The following RAB28 variants were observed in gnomAD, a reference collection of about 807,000 sequenced individuals.
RAB28 encodes the protein ras-related protein Rab-28.
In RAB28, 24 loss-of-function variants were observed where a neutral mutation model predicts 31.7. The ratio of observed to expected loss-of-function variants is 0.76; its 90% CI spans 0.55 to 1.06. The LOEUF (loss-of-function observed/expected upper bound fraction) is 1.06, where lower values mean the gene tolerates loss of function less well. RAB28 is among the 50% of genes least tolerant of loss of function. The pLI, the probability that RAB28 is intolerant of heterozygous loss-of-function variation, is 0.00. For missense variants in RAB28, 254 were observed against 258.5 expected, an observed-to-expected ratio of 0.98 and a Z score of 0.12; for synonymous variants, 100 against 90.4, an observed-to-expected ratio of 1.11 and a Z score of -0.60.
chr4:13,483,014 T>G (rs1410269556), intron 1 of RAB28, among the ~76,000 whole-genome samples: 1 of 152,028 alleles, frequency 6.6e-6, no homozygotes, highest in Admixed American at 6.5e-5. Flanking sequence ...TAGACTATGG[T>G]TGGGATAAGG....
At chr4:13,451,003 T>G (rs1193457520) in intron 4 of RAB28, among the ~76,000 whole-genome samples, 3 of 151,902 alleles carry the variant, frequency 2.0e-5, no homozygotes, top group Non-Finnish European at 4.4e-5. Context: ...TTTCATTTGA[T>G]GTAATCCAAC....
At position 13,420,462 on chromosome 4, in the gene RAB28, A is replaced by C. The variant is rs114438470; in HGVS notation, c.392-38868T>G. 9.4e-3 allele frequency among the ~76,000 whole-genome samples: 1,438 copies of C among 152,314 alleles called. 14 individuals are homozygous for C. Among genetic ancestry groups the C allele is most frequent in the Non-Finnish European group, 0.014 (956 of 68,034 alleles). ...TGGCAGAGACACACACAAAAAAGAC[A>C]ATTTTAGACCAATATCCCTGATGAA... On this transcript the variant is annotated intron_variant, in intron 4 of 6. Coordinates refer to ENST00000330852, the MANE Select transcript of RAB28 (RefSeq NM_001017979.3).
At chr4:13,471,049 T>A (rs1716093863) in intron 3 of RAB28, among the ~76,000 whole-genome samples, 1 of 152,112 alleles carries the variant, frequency 6.6e-6, no homozygotes, top group Non-Finnish European at 1.5e-5. Flanking sequence ...CAGACATGTA[T>A]AATTCTTTCT....
At chr4:13,431,767 C>T (rs924532370) in intron 4 of RAB28, among the ~76,000 whole-genome samples, 3 of 151,526 alleles carry the variant, frequency 2.0e-5, no homozygotes, top group African/African-American at 7.3e-5. Flanking sequence ...GTAATACCCT[C>T]AAGGAAAAAA....
At chr4:13,422,979 C>CA (rs1001858509) in intron 4 of RAB28, among the ~76,000 whole-genome samples, 19 of 147,052 alleles carry the variant, frequency 1.3e-4, no homozygotes, top group East Asian at 6.0e-4. Flanking sequence ...AATTTTACCT[C>CA]AAAAAAAAAA....
At position 13,484,203 on chromosome 4, in the gene RAB28, G is replaced by A; in HGVS notation, c.-53C>T. On this transcript the variant is annotated 5_prime_UTR_variant, in exon 1 of 7. Transcript: ENST00000330852. ...CGAGGTGGGGGGGGAAGGGAAGGAT[G>A]AAGGCTCCGGGGGCGGGGGAGAGGA... 1.4e-6 allele frequency: 2 copies of A among 1,449,414 alleles called. No homozygotes were observed. The highest frequency in any genetic ancestry group is 1.2e-5 in the South Asian group (1 of 82,238). The allele number at this position is 1,449,414 out of a possible 1,614,324, so 89.8% of individuals were successfully genotyped here. A position where few individuals can be genotyped will look rare whatever the true frequency, so the allele number is the denominator to read the frequency against.
At position 13,436,803 on chromosome 4, in the gene RAB28, G is replaced by A. The variant is rs1714138703; in HGVS notation, c.391+23896C>T. On this transcript the variant is annotated intron_variant, in intron 4 of 6. Transcript: ENST00000330852. ...CCATACTACCCAAAGCAATCTACCA[G>A]TTCAAAGCAATTCCTATCAAATTAC... 1.3e-5 allele frequency among the ~76,000 whole-genome samples: 2 copies of A among 151,874 alleles called. 1 individual carries two copies. The highest frequency in any genetic ancestry group is 4.2e-4 in the South Asian group (2 of 4,816).
At chr4:13,384,898 A>G (rs1260838735) in intron 4 of RAB28, among the ~76,000 whole-genome samples, 2 of 152,186 alleles carry the variant, frequency 1.3e-5, no homozygotes, top group Non-Finnish European at 2.9e-5. Context: ...AATTCAGAAT[A>G]TGGATAGAAA....
At chr4:13,426,152 T>G (rs1002626794) in intron 4 of RAB28, among the ~76,000 whole-genome samples, 3 of 152,182 alleles carry the variant, frequency 2.0e-5, no homozygotes, top group African/African-American at 7.2e-5. Context: ...TTGCTTAACT[T>G]AAAACTGGAG....
intron 4 of RAB28, among the ~76,000 whole-genome samples, chr4:13,387,087 C>A (rs962168143): frequency 6.6e-6 from 1 of 151,812 alleles, no homozygotes; most frequent in Non-Finnish European, 1.5e-5. Flanking sequence ...ACACTGTGGC[C>A]TACAAGAGGA....
chr4:13,476,128 A>T (rs1046379452), intron 2 of RAB28, among the ~76,000 whole-genome samples: 1 of 151,558 alleles, frequency 6.6e-6, no homozygotes, highest in Non-Finnish European at 1.5e-5. Context: ...ACATCAAGAA[A>T]TATAAAGCTT....
At chr4:13,426,670 T>G (rs1390050569) in intron 4 of RAB28, among the ~76,000 whole-genome samples, 1 of 152,202 alleles carries the variant, frequency 6.6e-6, no homozygotes, top group Non-Finnish European at 1.5e-5. Flanking sequence ...TTCCTAGTAT[T>G]TAGCATGATT....
intron 4 of RAB28, among the ~76,000 whole-genome samples, chr4:13,425,333 A>AGGCAATTGATTCT (rs375219870): frequency 6.6e-6 from 1 of 152,354 alleles, no homozygotes; most frequent in Non-Finnish European, 1.5e-5. Context: ...ATCAGCAAGC[A>AGGCAATTGATTCT]GGCAATTGAT....
Position 13,368,974 on chromosome 4 carries a change from T to A in RAB28, c.574-324A>T, listed in dbSNP as rs974289003. The stretch of plus-strand genomic sequence containing the variant: ...AATAATTTAGAGCAAAATAAATAAA[T>A]CATTCACATATATTTTAAATCATAG... On this transcript the variant is annotated intron_variant, in intron 6 of 6. Transcript: ENST00000330852. Among the ~76,000 whole-genome samples, 7 of 152,196 alleles carry A rather than the reference T, an allele frequency of 4.6e-5. No homozygotes were observed. In the South Asian group the frequency reaches 1.5e-3, roughly 32 times the overall value.
intron 4 of RAB28, among the ~76,000 whole-genome samples, chr4:13,382,628 A>AT (rs373327443): frequency 6.6e-6 from 1 of 150,510 alleles, no homozygotes; most frequent in Non-Finnish European, 1.5e-5. Flanking sequence ...TCTCTAGGAG[A>AT]TTTTTTTTAA....
At chr4:13,441,569 G>C (rs1714416574) in intron 4 of RAB28, among the ~76,000 whole-genome samples, 3 of 152,152 alleles carry the variant, frequency 2.0e-5, no homozygotes, top group African/African-American at 7.2e-5. Flanking sequence ...GATGCTTCCA[G>C]GCTTCCCTCA....
intron 4 of RAB28, among the ~76,000 whole-genome samples, chr4:13,384,481 G>A (rs759714598): frequency 5.9e-5 from 9 of 152,152 alleles, no homozygotes; most frequent in Non-Finnish European, 1.0e-4. Context: ...AATGACCAGT[G>A]GTCCAGGAAT....
chr4:13,417,517 G>A (rs554910528), intron 4 of RAB28, among the ~76,000 whole-genome samples: 1 of 152,316 alleles, frequency 6.6e-6, no homozygotes, highest in East Asian at 1.9e-4. Context: ...GTACAGGCAG[G>A]TGCCCTTCTG....
At chr4:13,439,795 T>A (rs892693245) in intron 4 of RAB28, among the ~76,000 whole-genome samples, 4 of 152,192 alleles carry the variant, frequency 2.6e-5, no homozygotes, top group African/African-American at 9.6e-5. Flanking sequence ...TATTGCATAA[T>A]GCTGGGGTTT....
Sources: allele counts gnomAD v4.1 joint callset (sites outside exome capture counted in the v4.1 genomes callset), GRCh38; gene constraint gnomAD v4.1.1; transcripts MANE v1.5; gene names NCBI Gene and HGNC (gene_info 2026-07-23, HGNC 2026-07-21).